DPP7: variants seen among roughly 807,000 people sequenced by gnomAD.
The protein encoded by DPP7 is dipeptidyl peptidase 7, also known as dipeptidyl peptidase 2.
Under a neutral mutation model 58.8 loss-of-function variants are expected in DPP7, and 74 were observed. The observed-to-expected ratio is 1.26, with a 90% CI of 1.04 to 1.53. The LOEUF (loss-of-function observed/expected upper bound fraction) is 1.53, where lower values mean the gene tolerates loss of function less well. Ranked by LOEUF, DPP7 falls within the 40% of genes most tolerant of loss-of-function variation. The pLI, the probability that DPP7 is intolerant of heterozygous loss-of-function variation, is 0.00. For missense variants in DPP7, 807 were observed against 692.3 expected (o/e 1.17, Z -1.86); for synonymous variants, 350 against 303.6 (o/e 1.15, Z -1.59).
In DPP7 at chr9:137,111,971, T is replaced by C. The variant is rs1831391139; in HGVS notation, c.1109A>G (p.Asp370Gly). 2 of 1,610,394 alleles carry C rather than the reference T, an allele frequency of 1.2e-6. No individual in the cohort carries two copies. The highest frequency in any genetic ancestry group is 1.7e-5 in the Admixed American group (1 of 59,738). The change falls in exon 10 of 13, where the codon GAC becomes GGC. Residue 370 changes from aspartate to glycine, a missense_variant. By Grantham distance (94) the Asp-to-Gly change is moderately conservative. Around this residue, in one of 3 missense-constraint regions of DPP7, gnomAD observed 624 missense variants for 531.2 expected, o/e 1.17. Transcript: ENST00000371579. ...GCGGAGCTCGTCAGTGAAGGGCAGG[T>C]CCGGGAACATATCGGTCACATTGTT... ...ASNNVTDMFP[D>G]LPFTDELRQR...
Position 137,114,072 on chromosome 9 carries a change from GCACCCGCGTGCCCCGCGACCCC to G in DPP7, c.322-66_322-45del, listed in dbSNP as rs1358082104. 7.3e-6 allele frequency: 9 copies of G among 1,224,884 alleles called. No individual in the cohort carries two copies. The African/African-American group carries it at 1.4e-4, about 19-fold the overall frequency. The allele number at this position is 1,224,884 out of a possible 1,614,324, so 75.9% of individuals were successfully genotyped here. A position where few individuals can be genotyped will look rare whatever the true frequency, so the allele number is the denominator to read the frequency against. Reference sequence around the variant, plus strand: ...GAGCCCGGCCCCGCGACCCCGCCCGGCACCCGCGTGCCCCGCGACCCCCGCCCGCGACCCCGCCCGGCACCCG... The same window carrying G: ...GAGCCCGGCCCCGCGACCCCGCCCGGCGCCCGCGACCCCGCCCGGCACCCG... On this transcript the variant is annotated intron_variant, in intron 3 of 12. Coordinates refer to ENST00000371579, the MANE Select transcript of DPP7 (RefSeq NM_013379.3).
chr9:137,113,819 C>A lies in DPP7; in HGVS notation c.485+46G>T, dbSNP rs1208618525. The stretch of plus-strand genomic sequence containing the variant: ...GGGAGAAGGGCTGGGGGCGCTGGGT[C>A]GGGGCAGGGGAGGGAGGGGGTGCGG... On this transcript the variant is annotated intron_variant, in intron 4 of 12. Transcript: ENST00000371579. 8 of 426,732 alleles carry A rather than the reference C, an allele frequency of 1.9e-5. No homozygotes were observed. The East Asian group carries it at 1.8e-3, about 97-fold the overall frequency. The allele number at this position is 426,732 out of a possible 1,614,324, so 26.4% of individuals were successfully genotyped here.
rs149463415 is a variant in DPP7 at position 137,114,023 on chromosome 9, G to A, written c.327C>T (p.Tyr109=). Reference sequence around the variant, plus strand: ...CACCGAACGGCAGCGACTTCCCGTAGTAGCGCTGGGGGAACGTGCCATTGA... The same window carrying A: ...CACCGAACGGCAGCGACTTCCCGTAATAGCGCTGGGGGAACGTGCCATTGA... ...GALLVFAEHR[Y]YGKSLPFGAQ... is the part of the protein sequence containing the mutation. Residue 109 remains tyrosine, a synonymous_variant, in exon 4 of 13, where the codon TAC becomes TAT. Coordinates refer to ENST00000371579, the MANE Select transcript of DPP7 (RefSeq NM_013379.3). 3.2e-5 allele frequency: 47 copies of A among 1,488,946 alleles called. 1 individual carries two copies. The African/African-American group carries it at 3.4e-4, about 11-fold the overall frequency. 92.2% of individuals were successfully genotyped at this position (1,488,946 alleles called of 1,614,324 possible). A position where few individuals can be genotyped will look rare whatever the true frequency, so the allele number is the denominator to read the frequency against.
In DPP7 at chr9:137,114,441, CGGGCCG is replaced by C. The variant is rs942066673; in HGVS notation, c.181+16_181+21del. On this transcript the variant is annotated intron_variant, in intron 2 of 12. Coordinates refer to ENST00000371579, the MANE Select transcript of DPP7 (RefSeq NM_013379.3). ...GGGGCGGCGGGACGGCGGGGGCGGC[CGGGCCG>C]GGGCCGGGGTCTCACCCGACACCAG... 1.9e-6 allele frequency: 3 copies of C among 1,555,858 alleles called. No homozygotes were observed. The highest frequency in any genetic ancestry group is 1.7e-6 in the Non-Finnish European group (2 of 1,151,198).
rs1178948322 is a variant in DPP7, at chr9:137,112,733, G to T, written c.931+12C>A. 2 of 1,596,418 alleles carry T rather than the reference G, an allele frequency of 1.3e-6. No individual in the cohort carries two copies. The highest frequency in any genetic ancestry group is 1.7e-5 in the Admixed American group (1 of 58,110). ...CTCCACACTTGCCCATCTGGGGCCGGGGGAAGGGCACCTGCCAGTGCTCGC... is the reference window on the plus strand; with the variant it reads ...CTCCACACTTGCCCATCTGGGGCCGTGGGAAGGGCACCTGCCAGTGCTCGC... On this transcript the variant is annotated intron_variant, in intron 8 of 12. Coordinates refer to ENST00000371579, the MANE Select transcript of DPP7 (RefSeq NM_013379.3).
upstream of DPP7, chr9:137,115,167 G>C (rs933785591): frequency 7.1e-5 from 11 of 155,408 alleles, no homozygotes; most frequent in African/African-American, 2.4e-4. Context: ...CCCAGGGTTT[G>C]TCCAAGCGAT....
rs768232008 is a variant in DPP7 at position 137,114,485 on chromosome 9, G to C, written c.159C>G (p.Phe53Leu). The change falls in exon 2 of 13, where the codon TTC (phenylalanine) becomes TTG (leucine). Residue 53 changes from phenylalanine to leucine, a missense_variant. Coordinates refer to ENST00000371579, the MANE Select transcript of DPP7 (RefSeq NM_013379.3). ...CACCCGACACCAGGAAGCGCTGAGG[G>C]AAGGTCTTGTTGCCGAAGCGCTCGA... is the stretch of plus-strand genomic sequence containing the variant. ...FNFERFGNKT[F>L]PQRFLVSDRF... is the part of the protein sequence containing the mutation. 6.3e-7 allele frequency: 1 copy of C among 1,579,750 alleles called. No individual in the cohort carries two copies. The highest frequency in any genetic ancestry group is 1.8e-5 in the Admixed American group (1 of 56,302).
chr9:137,112,550 G>A (rs1564322201), intron 8 of DPP7, 195 bp downstream of exon 8: 8 of 735,810 alleles, frequency 1.1e-5, no homozygotes, highest in Non-Finnish European at 1.7e-5. Flanking sequence ...TACAGCCAGT[G>A]CTGAGAGGGT....
rs532117944 is a variant in DPP7 at position 137,113,363 on chromosome 9, C to G, written c.619G>C (p.Ala207Pro). ...GGAGGACCCCAAGCCTCACTCACCG[C>G]CGTGACGTCCCGGAAGAACTGGTTG... is the stretch of plus-strand genomic sequence containing the variant. ...DSNQFFRDVT[A>P]DFEGQSPKCT... The change falls in exon 5 of 13, where the codon GCG (alanine) becomes CCG (proline). Residue 207 changes from alanine (A) to proline (P), a missense_variant and splice_region_variant. Around this residue, in one of 3 missense-constraint regions of DPP7, gnomAD observed 624 missense variants for 531.2 expected, o/e 1.17. Transcript: ENST00000371579. 1 of 1,611,456 alleles carries G rather than the reference C, an allele frequency of 6.2e-7. No homozygotes were observed. The highest frequency in any genetic ancestry group is 1.3e-5 in the African/African-American group (1 of 74,988).
chr9:137,112,309 G>T, intron 8 of DPP7, 79 bp from the exon 9 acceptor site: 1 of 1,204,806 alleles, frequency 8.3e-7, no homozygotes, highest in East Asian at 2.5e-5. Context: ...GTCCCCCCTC[G>T]GAATGGTCCT....
Position 137,112,171 on chromosome 9 carries a change from T to A in DPP7, c.991A>T (p.Ser331Cys), listed in dbSNP as rs999719059. The change falls in exon 9 of 13, where the codon AGC becomes TGC. Residue 331 changes from serine (S) to cysteine (C), a missense_variant. By Grantham distance (112) the Ser-to-Cys change is moderately radical. Around this residue, in one of 3 missense-constraint regions of DPP7, gnomAD observed 624 missense variants for 531.2 expected, o/e 1.17. Transcript: ENST00000371579. ...CCGCAGCCAGTGGGGTCAGCACAGC[T>A]GTGGTAGAGCCGGTAGATGTCGTAG... The part of the protein sequence containing the change: ...HCYDIYRLYH[S>C]CADPTGCGTG... 2.5e-6 allele frequency: 4 copies of A among 1,608,680 alleles called. No individual in the cohort carries two copies. Among genetic ancestry groups the A allele is most frequent in the Non-Finnish European group, 3.4e-6 (4 of 1,179,642 alleles).
chr9:137,112,499 C>T, intron 8 of DPP7: 1 of 638,344 alleles, frequency 1.6e-6, no homozygotes. Context: ...GCTGGGGACC[C>T]CAGGGGCCCC....
At chr9:137,114,432 G>C in intron 2 of DPP7, 31 bp downstream of exon 2, 1 of 1,557,858 alleles carries the variant, frequency 6.4e-7, no homozygotes, top group Non-Finnish European at 8.7e-7. Context: ...GCGGGACGGC[G>C]GGGGCGGCCG....
In DPP7 at chr9:137,114,358, C is replaced by T. The variant is rs374905554; in HGVS notation, c.206G>A (p.Gly69Glu). Residue 69 changes from glycine (G) to glutamate (E), a missense_variant, in exon 3 of 13, where the codon GGG (glycine) becomes GAG (glutamate). Physicochemically the swap from Gly to Glu is moderately conservative, Grantham distance 98. Transcript: ENST00000371579. ...VSDRFWVRGE[G>E]PIFFYTGNEG... ...GTTCCCAGTGTAGAAGAAGATGGGC[C>T]CCTCGCCCCGGACCCAGAACCTGTC... 46 of 1,604,612 alleles carry T rather than the reference C, an allele frequency of 2.9e-5. No individual in the cohort carries two copies. Among genetic ancestry groups the T allele is most frequent in the Middle Eastern group, 1.8e-4 (1 of 5,426 alleles).
Position 137,113,407 on chromosome 9 carries a change from A to G in DPP7, c.575T>C (p.Val192Ala), listed in dbSNP as rs1175461362. 6.2e-7 allele frequency: 1 copy of G among 1,609,408 alleles called. No homozygotes were observed. Among genetic ancestry groups the G allele is most frequent in the East Asian group, 2.2e-5 (1 of 44,736 alleles). ...CTGGTTGGAGTCGCCGAGGCCTGCC[A>G]CAGCTAGAACGGGCGCGCTGGCCGC... ...ALAASAPVLA[V>A]AGLGDSNQFF... The change falls in exon 5 of 13, where the codon GTG becomes GCG. Residue 192 changes from valine (V) to alanine (A), a missense_variant. Transcript: ENST00000371579.
At position 137,114,681 on chromosome 9, in the gene DPP7, C is replaced by T. The variant is rs1423438886; in HGVS notation, c.33G>A (p.Leu11=). 1.5e-6 allele frequency: 2 copies of T among 1,350,124 alleles called. No individual in the cohort carries two copies. Among genetic ancestry groups the T allele is most frequent in the South Asian group, 1.8e-5 (1 of 55,100 alleles). The allele number at this position is 1,350,124 out of a possible 1,614,324, so 83.6% of individuals were successfully genotyped here. Residue 11 remains leucine (L), a synonymous_variant, in exon 1 of 13, where the codon CTG becomes CTA. Transcript: ENST00000371579. MGSAPWAPVL[L]LALGLRGLQA... is the part of the protein sequence containing the mutation. ...GGAGGCCGCGCAGCCCGAGCGCCAG[C>T]AGCAGGACCGGGGCCCAGGGAGCGG...
upstream of DPP7, among the ~76,000 whole-genome samples, chr9:137,115,588 G>A (rs1490637403): frequency 6.6e-6 from 1 of 152,148 alleles, no homozygotes; most frequent in African/African-American, 2.4e-5. Flanking sequence ...CTTCTCCCAA[G>A]ACTACCCTCG....
intron 11 of DPP7, among the ~76,000 whole-genome samples, 158 bp downstream of exon 11, chr9:137,111,532 T>C (rs1831364933): frequency 2.0e-5 from 3 of 152,098 alleles, no homozygotes; most frequent in African/African-American, 7.2e-5. Flanking sequence ...GGTGAGCGCC[T>C]GTAGTCCCAG....
Position 137,112,022 on chromosome 9 carries a change from G to T in DPP7, c.1058C>A (p.Thr353Asn). Residue 353 changes from threonine (T) to asparagine (N), a missense_variant, in exon 10 of 13, where the codon ACC becomes AAC. By Grantham distance (65) the Thr-to-Asn change is moderately conservative. Coordinates refer to ENST00000371579, the MANE Select transcript of DPP7 (RefSeq NM_013379.3). ...GCTGGCGAAGGTCAGGTTGATCTCG[G>T]TGCAGGCCTGCAGGTGCCCCAGCCT... ...DARAWDYQAC[T>N]EINLTFASNN... is the part of the protein sequence containing the mutation. 1.9e-6 allele frequency: 3 copies of T among 1,613,572 alleles called. No homozygotes were observed. The highest frequency in any genetic ancestry group is 2.5e-6 in the Non-Finnish European group (3 of 1,179,830).
Sources: gnomAD v4.1 joint callset for allele counts (sites outside exome capture counted in the v4.1 genomes callset) on GRCh38, gnomAD v4.1.1 for gene constraint, gnomAD v4.1.1 regional missense constraint, MANE v1.5 for transcripts, NCBI Gene and HGNC (gene_info 2026-07-23, HGNC 2026-07-21) for gene names.